Variants in GNG12 observed in about 807,000 individuals in gnomAD.
GNG12 encodes the protein G protein subunit gamma 12, also known as guanine nucleotide-binding protein G(I)/G(S)/G(O) subunit gamma-12.
For synonymous variants in GNG12, 28 were observed against 29.7 expected (o/e 0.94, Z 0.19); for missense variants, 69 against 83.8 (o/e 0.82, Z 0.69).
At chr1:67,726,680 C>CT (rs1234238753) in intron 2 of GNG12, among the ~76,000 whole-genome samples, 2 of 152,206 alleles carry the variant, frequency 1.3e-5, no homozygotes, top group African/African-American at 4.8e-5. Flanking sequence ...AATTGTTTAG[C>CT]TTTTTTCTAG....
intron 2 of GNG12, among the ~76,000 whole-genome samples, chr1:67,767,065 C>T (rs774894500): frequency 3.3e-5 from 5 of 152,042 alleles, no homozygotes; most frequent in Non-Finnish European, 7.4e-5. Context: ...TTTTGGGGGT[C>T]CTCTTTAGAA....
Position 67,833,238 on chromosome 1 carries a change from C to G in GNG12, c.-77+106G>C, listed in dbSNP as rs561619198. ...CCTCCCTCCATCTCGCTTCCCAGCA[C>G]CCGGGACTCGGAGGCGGCCCCCGAA... On this transcript the variant is annotated intron_variant, in intron 1 of 3. Transcript: ENST00000370982. The G allele has an allele frequency of 6.9e-5, 15 of 216,634 alleles. No individual in the cohort carries two copies. In the South Asian group the frequency reaches 2.0e-3, roughly 29 times the overall value. The allele number at this position is 216,634 out of a possible 1,614,324, so 13.4% of individuals were successfully genotyped here.
intron 1 of GNG12, among the ~76,000 whole-genome samples, chr1:67,790,859 C>G (rs1301539624): frequency 1.3e-5 from 2 of 152,124 alleles, no homozygotes; most frequent in Admixed American, 6.5e-5. Flanking sequence ...CGTGATCTAC[C>G]CGCCTTGGCC....
chr1:67,812,747 A>C (rs1646933051), intron 1 of GNG12, among the ~76,000 whole-genome samples: 2 of 152,222 alleles, frequency 1.3e-5, no homozygotes, highest in Admixed American at 6.5e-5. Context: ...AGTTTAATTA[A>C]AACTAAATAA....
intron 1 of GNG12, among the ~76,000 whole-genome samples, chr1:67,823,950 T>C (rs1400363807): frequency 2.0e-5 from 3 of 152,170 alleles, no homozygotes; most frequent in Non-Finnish European, 4.4e-5. Flanking sequence ...GATGGAAAAC[T>C]TGTTATTCTG....
At chr1:67,744,653 G>GT (rs1008589844) in intron 2 of GNG12, among the ~76,000 whole-genome samples, 27 of 152,222 alleles carry the variant, frequency 1.8e-4, no homozygotes, top group South Asian at 1.7e-3. Context: ...GAGGACTCAG[G>GT]TTTTTTTGTG....
intron 2 of GNG12, among the ~76,000 whole-genome samples, chr1:67,740,244 C>A (rs1020091763): frequency 2.6e-5 from 4 of 152,198 alleles, no homozygotes; most frequent in African/African-American, 9.7e-5. Context: ...CTATACAGGG[C>A]TATGAATACT....
intron 2 of GNG12, among the ~76,000 whole-genome samples, chr1:67,750,396 A>G (rs1399398811): frequency 2.0e-5 from 3 of 152,204 alleles, no homozygotes; most frequent in Admixed American, 6.5e-5. Context: ...TTGTGGGCTC[A>G]GGCATTGTAA....
In GNG12 at chr1:67,825,106, A is replaced by G. The variant is rs17130319; in HGVS notation, c.-77+8238T>C. Among the ~76,000 whole-genome samples the G allele has an allele frequency of 3.2e-3, 480 of 152,350 alleles. 2 individuals carry two copies. Among genetic ancestry groups the G allele is most frequent in the African/African-American group, 0.011 (460 of 41,580 alleles). ...ATATTCTGCTGAATTTGACAGAGAT[A>G]TTCCTTGAAAACTTGAGACTCCTGG... On this transcript the variant is annotated intron_variant, in intron 1 of 3. Transcript: ENST00000370982.
chr1:67,715,290 C>T (rs1003785405), intron 2 of GNG12, among the ~76,000 whole-genome samples: 8 of 152,160 alleles, frequency 5.3e-5, no homozygotes, highest in East Asian at 1.9e-4. Context: ...TGATCTCAGA[C>T]GTCTAGCTTC....
intron 2 of GNG12, among the ~76,000 whole-genome samples, chr1:67,714,607 T>A (rs566785815): frequency 6.6e-6 from 1 of 152,294 alleles, no homozygotes; most frequent in African/African-American, 2.4e-5. Context: ...CATTCCTCAA[T>A]GGACTGGAGC....
chr1:67,760,000 G>C (rs904399412), intron 2 of GNG12, among the ~76,000 whole-genome samples: 3 of 152,196 alleles, frequency 2.0e-5, no homozygotes, highest in Non-Finnish European at 4.4e-5. Flanking sequence ...AGGGAGCAAG[G>C]CAGAAAGCCT....
At chr1:67,727,428 A>G (rs1427026112) in intron 2 of GNG12, among the ~76,000 whole-genome samples, 1 of 152,272 alleles carries the variant, frequency 6.6e-6, no homozygotes, top group African/African-American at 2.4e-5. Flanking sequence ...TATTACATGT[A>G]GAAATTATAA....
At chr1:67,726,948 T>C (rs1165784258) in intron 2 of GNG12, among the ~76,000 whole-genome samples, 1 of 152,200 alleles carries the variant, frequency 6.6e-6, no homozygotes, top group Non-Finnish European at 1.5e-5. Context: ...CTGTTCTTGG[T>C]GTATTAAGGA....
At chr1:67,799,347 C>T (rs1557621603) in intron 1 of GNG12, among the ~76,000 whole-genome samples, 1 of 152,170 alleles carries the variant, frequency 6.6e-6, no homozygotes. Context: ...TTATTTGTCT[C>T]TCCAGGGAAC....
intron 2 of GNG12, among the ~76,000 whole-genome samples, chr1:67,711,636 A>G (rs1168299102): frequency 1.3e-5 from 2 of 152,126 alleles, no homozygotes; most frequent in Non-Finnish European, 2.9e-5. Context: ...ATCCGAGTTA[A>G]TCTTTCCCAG....
intron 1 of GNG12, among the ~76,000 whole-genome samples, chr1:67,781,379 G>A (rs529366232): frequency 6.6e-6 from 1 of 152,282 alleles, no homozygotes; most frequent in Admixed American, 6.5e-5. Flanking sequence ...TTATTGAGAG[G>A]TATACTGAAT....
chr1:67,721,292 G>A (rs1646354757), intron 2 of GNG12, among the ~76,000 whole-genome samples: 1 of 152,206 alleles, frequency 6.6e-6, no homozygotes, highest in Admixed American at 6.5e-5. Flanking sequence ...AGGAGCCCCA[G>A]AGTGGAGTGA....
chr1:67,831,792 C>A (rs1390413540), intron 1 of GNG12, among the ~76,000 whole-genome samples: 1 of 152,106 alleles, frequency 6.6e-6, no homozygotes, highest in East Asian at 1.9e-4. Flanking sequence ...GTTAAAAAAA[C>A]AAAAACAAAA....
Sources: gnomAD v4.1 joint callset for allele counts (sites outside exome capture counted in the v4.1 genomes callset) on GRCh38, gnomAD v4.1.1 for gene constraint, MANE v1.5 for transcripts, NCBI Gene and HGNC (gene_info 2026-07-23, HGNC 2026-07-21) for gene names.